Variants in CRTC3 observed in about 807,000 individuals in gnomAD.
CRTC3 encodes CREB-regulated transcription coactivator 3.
In CRTC3, 26 loss-of-function variants were observed where a neutral mutation model predicts 74.5. That is an observed-to-expected ratio of 0.35 (90% CI 0.26 to 0.48). The LOEUF is 0.48. CRTC3 is among the 20% of genes least tolerant of loss of function. The probability of loss-of-function intolerance (pLI) is 0.99; values close to 1 mark genes in which losing one functional copy is unlikely to be tolerated. For synonymous variants in CRTC3, 377 were observed against 325.8 expected (o/e 1.16, Z -1.69); for missense variants, 760 against 787.3 (o/e 0.97, Z 0.41).
At chr15:90,623,743 C>T (rs1968730966) in intron 9 of CRTC3, among the ~76,000 whole-genome samples, 1 of 152,186 alleles carries the variant, frequency 6.6e-6, no homozygotes, top group African/African-American at 2.4e-5. Context: ...CCACTGGCGT[C>T]GTGTCAGCCT....
intron 11 of CRTC3, among the ~76,000 whole-genome samples, chr15:90,636,909 T>G (rs1376900423): frequency 1.3e-5 from 2 of 152,042 alleles, no homozygotes; most frequent in Non-Finnish European, 2.9e-5. Flanking sequence ...AAACAACAGG[T>G]GCTGGAGAGG....
At position 90,530,152 on chromosome 15, in the gene CRTC3, C is replaced by G. The variant is rs753634298; in HGVS notation, c.81C>G (p.Ala27=). 4 of 1,443,236 alleles carry G rather than the reference C, an allele frequency of 2.8e-6. No individual in the cohort carries two copies. Among genetic ancestry groups the G allele is most frequent in the Non-Finnish European group, 3.7e-6 (4 of 1,082,228 alleles). The allele number at this position is 1,443,236 out of a possible 1,614,324, so 89.4% of individuals were successfully genotyped here. Reference sequence around the variant, plus strand: ...TCGCGCTGCACACGCAGAGACAGGCCGAGGAGACGCGGGCCTTCGAGCAGC... The same window carrying G: ...TCGCGCTGCACACGCAGAGACAGGCGGAGGAGACGCGGGCCTTCGAGCAGC... ...EKIALHTQRQ[A]EETRAFEQLM... is the part of the protein sequence containing the mutation. The change falls in exon 1 of 15, where the codon GCC becomes GCG. Residue 27 remains alanine, a synonymous_variant. Coordinates refer to ENST00000268184, the MANE Select transcript of CRTC3 (RefSeq NM_022769.5). This position sits in a 1 kb window ranked among gnomAD's most constrained non-coding sequence, Gnocchi z 6.2.
chr15:90,634,762 C>T, intron 11 of CRTC3: 1 of 1,088,232 alleles, frequency 9.2e-7, no homozygotes, highest in African/African-American at 1.6e-5. Context: ...TTTCCACTCT[C>T]TGACTGAGTA....
chr15:90,562,992 C>T (rs775335581), intron 2 of CRTC3, among the ~76,000 whole-genome samples: 12 of 152,224 alleles, frequency 7.9e-5, no homozygotes, highest in Non-Finnish European at 1.6e-4. Flanking sequence ...GTATCTCTTA[C>T]TCTGCCATCT....
At chr15:90,635,763 C>T (rs1278880393) in intron 11 of CRTC3, among the ~76,000 whole-genome samples, 5 of 151,904 alleles carry the variant, frequency 3.3e-5, no homozygotes, top group Admixed American at 6.6e-5. Context: ...TCCTGTGAGC[C>T]GGGTTGGGAA....
intron 2 of CRTC3, among the ~76,000 whole-genome samples, chr15:90,572,885 A>C (rs1967308441): frequency 6.6e-6 from 1 of 152,162 alleles, no homozygotes; most frequent in African/African-American, 2.4e-5. Context: ...CAATATATCC[A>C]TTTTTTAAAA....
intron 2 of CRTC3, among the ~76,000 whole-genome samples, chr15:90,554,843 T>A (rs1966875722): frequency 6.6e-6 from 1 of 152,146 alleles, no homozygotes. Context: ...CCACTATGGG[T>A]TGGGTTACAA....
At chr15:90,542,203 G>A (rs1299348243) in intron 2 of CRTC3, among the ~76,000 whole-genome samples, 1 of 146,534 alleles carries the variant, frequency 6.8e-6, no homozygotes, top group Non-Finnish European at 1.5e-5. Flanking sequence ...TTTTGAGACC[G>A]AGTCTCATTC....
chr15:90,642,148 G>A lies in CRTC3; in HGVS notation c.*8G>A, dbSNP rs759554083. ...CGAGCTGACAGACTGTGAACAGAAG[G>A]CAGTGGAACAGAAGAATGTTTTTCT... On this transcript the variant is annotated 3_prime_UTR_variant, in exon 15 of 15. Coordinates refer to ENST00000268184, the MANE Select transcript of CRTC3 (RefSeq NM_022769.5). 27 of 1,612,258 alleles carry A rather than the reference G, an allele frequency of 1.7e-5. No homozygotes were observed. The highest frequency in any genetic ancestry group is 2.2e-5 in the Non-Finnish European group (26 of 1,178,602).
At chr15:90,564,973 G>T (rs541923204) in intron 2 of CRTC3, among the ~76,000 whole-genome samples, 33 of 148,338 alleles carry the variant, frequency 2.2e-4, no homozygotes, top group Non-Finnish European at 4.8e-4. Flanking sequence ...ATGGAGTTTC[G>T]CTCTTTTTGC....
At chr15:90,635,128 T>A (rs1429249291) in intron 11 of CRTC3, 2 of 623,292 alleles carry the variant, frequency 3.2e-6, no homozygotes, top group South Asian at 1.8e-5. Context: ...ATATTTCTTA[T>A]AATAAACTAA....
At chr15:90,627,402 T>G (rs550614965) in intron 10 of CRTC3, among the ~76,000 whole-genome samples, 1 of 152,048 alleles carries the variant, frequency 6.6e-6, no homozygotes, top group Non-Finnish European at 1.5e-5. Context: ...CAATTCACCT[T>G]TTGGGTGAAT....
chr15:90,578,828 C>T (rs181786312), intron 2 of CRTC3, among the ~76,000 whole-genome samples: 128 of 152,174 alleles, frequency 8.4e-4, no homozygotes, highest in African/African-American at 2.9e-3. Flanking sequence ...ATTTAAATAA[C>T]GTGATGTAAA....
At chr15:90,629,953 G>T (rs1303870134) in intron 11 of CRTC3, among the ~76,000 whole-genome samples, 2 of 152,062 alleles carry the variant, frequency 1.3e-5, no homozygotes, top group Non-Finnish European at 2.9e-5. Flanking sequence ...CAAATGCCTG[G>T]ACTCAAGCCA....
intron 2 of CRTC3, among the ~76,000 whole-genome samples, chr15:90,543,446 ATC>A (rs560298526): frequency 2.8e-3 from 432 of 151,880 alleles, no homozygotes; most frequent in Non-Finnish European, 5.4e-3. Flanking sequence ...TTCATTTTTT[ATC>A]TCTCGGTATA....
At chr15:90,582,794 C>G (rs1303264451) in intron 2 of CRTC3, among the ~76,000 whole-genome samples, 1 of 152,180 alleles carries the variant, frequency 6.6e-6, no homozygotes, top group South Asian at 2.1e-4. Context: ...TTGGAGCCCA[C>G]TGTGTGGCTG....
intron 3 of CRTC3, chr15:90,599,250 G>T (rs1156410088): frequency 1.3e-5 from 2 of 152,030 alleles, no homozygotes; most frequent in African/African-American, 4.8e-5. Context: ...TTGAGCCAAA[G>T]GCTTCACTAA....
At chr15:90,573,475 G>A (rs1188431737) in intron 2 of CRTC3, among the ~76,000 whole-genome samples, 1 of 151,938 alleles carries the variant, frequency 6.6e-6, no homozygotes, top group African/African-American at 2.4e-5. Flanking sequence ...ACATTCACCC[G>A]TTTTTCATCC....
At chr15:90,536,710 A>G (rs1197681978) in intron 1 of CRTC3, among the ~76,000 whole-genome samples, 2 of 152,314 alleles carry the variant, frequency 1.3e-5, no homozygotes, top group East Asian at 3.9e-4. Flanking sequence ...TGTAGGCCAA[A>G]GGTCACTAAC....
Sources: allele counts gnomAD v4.1 joint callset (sites outside exome capture counted in the v4.1 genomes callset), GRCh38; gene constraint gnomAD v4.1.1; non-coding constraint Gnocchi (gnomAD v3.1); transcripts MANE v1.5; gene names NCBI Gene and HGNC (gene_info 2026-07-23, HGNC 2026-07-21).